The following TTC28 variants were observed in gnomAD, a reference collection of about 807,000 sequenced individuals.
TTC28 encodes tetratricopeptide repeat domain 28.
Under a neutral mutation model 198.0 loss-of-function variants are expected in TTC28, and 61 were observed. The observed-to-expected ratio is 0.31, with a 90% CI of 0.25 to 0.38. The LOEUF is 0.38. Among genes scored for constraint, TTC28 ranks in the 10% least tolerant of loss-of-function variants. The pLI, the probability that TTC28 is intolerant of heterozygous loss-of-function variation, is 1.00. For synonymous variants in TTC28, 1,171 were observed against 1,297.8 expected (o/e 0.90, Z 2.10); for missense variants, 2,678 against 3,164.0 (o/e 0.85, Z 3.69).
rs181180154 is a variant in TTC28 at position 28,279,382 on chromosome 22, T to G, written c.933+16816A>C. Among the ~76,000 whole-genome samples, 523 of 150,984 alleles carry G rather than the reference T, an allele frequency of 3.5e-3. 9 individuals are homozygous for G. The highest frequency in any genetic ancestry group is 0.028 in the Admixed American group (429 of 15,216). On this transcript the variant is annotated intron_variant, in intron 5 of 22. Coordinates refer to ENST00000397906, the MANE Select transcript of TTC28 (RefSeq NM_001145418.2). ...ATACCATTTGATGAGGTTTTGTTTGTTTTTTTTAGACAGAGTCTTTCTCTG... is the reference window on the plus strand; with the variant it reads ...ATACCATTTGATGAGGTTTTGTTTGGTTTTTTTAGACAGAGTCTTTCTCTG...
chr22:28,403,397 G>A (rs1014855031), intron 2 of TTC28, among the ~76,000 whole-genome samples: 2 of 152,160 alleles, frequency 1.3e-5, no homozygotes, highest in Admixed American at 6.5e-5. Flanking sequence ...TAGAGAATGG[G>A]CAGGTGGATT....
At chr22:28,575,458 G>A (rs2050130997) in intron 2 of TTC28, among the ~76,000 whole-genome samples, 1 of 151,902 alleles carries the variant, frequency 6.6e-6, no homozygotes, top group Non-Finnish European at 1.5e-5. Flanking sequence ...CTCCAGTTTT[G>A]TTCTTTTTGC....
chr22:28,251,074 C>G (rs959823209), intron 5 of TTC28, among the ~76,000 whole-genome samples: 3 of 152,182 alleles, frequency 2.0e-5, no homozygotes, highest in Admixed American at 2.0e-4. Flanking sequence ...ACTCAATGAT[C>G]ACAGCTTTTA....
chr22:28,028,849 C>T, intron 13 of TTC28: 3 of 373,854 alleles, frequency 8.0e-6, no homozygotes, highest in South Asian at 2.0e-5. Flanking sequence ...TCCCACATTA[C>T]AGGAACCCTG....
intron 8 of TTC28, 56 bp downstream of exon 8, chr22:28,105,223 G>A: frequency 6.6e-7 from 1 of 1,511,740 alleles, no homozygotes; most frequent in Non-Finnish European, 8.9e-7. Context: ...CTTGAGTTCT[G>A]ACTCTGAACT....
At chr22:28,502,469 T>C (rs1601477848) in intron 2 of TTC28, among the ~76,000 whole-genome samples, 1 of 116,506 alleles carries the variant, frequency 8.6e-6, no homozygotes, top group East Asian at 2.5e-4. Context: ...TGAAACCCTG[T>C]CTCTACTAAA....
In TTC28 at chr22:27,985,301, T is replaced by C; in HGVS notation, c.5763A>G (p.Gln1921=). 1 of 1,551,592 alleles carries C rather than the reference T, an allele frequency of 6.4e-7. No individual in the cohort carries two copies. Among genetic ancestry groups the C allele is most frequent in the Non-Finnish European group, 8.7e-7 (1 of 1,146,932 alleles). The part of the protein sequence containing the change: ...QEEVILKTGK[Q]ANRRTVHFAL... Reference sequence around the variant, plus strand: ...CGAAGTGCACAGTCCGTCGATTAGCTTGCTTCCCGGTTTTCAGGATTACTT... The same window carrying C: ...CGAAGTGCACAGTCCGTCGATTAGCCTGCTTCCCGGTTTTCAGGATTACTT... Residue 1921 remains glutamine (Q), a synonymous_variant, in exon 22 of 23, where the codon CAA becomes CAG. Transcript: ENST00000397906.
At chr22:28,171,709 A>G (rs1486922040) in intron 5 of TTC28, among the ~76,000 whole-genome samples, 1 of 151,560 alleles carries the variant, frequency 6.6e-6, no homozygotes, top group Non-Finnish European at 1.5e-5. Context: ...GAAAATAGAG[A>G]GGAAATAAAT....
chr22:28,235,635 C>T (rs1388686811), intron 5 of TTC28, among the ~76,000 whole-genome samples: 1 of 152,186 alleles, frequency 6.6e-6, no homozygotes. Context: ...AGAACACACA[C>T]AACTAAATAA....
chr22:28,672,033 CT>C (rs980137007), intron 1 of TTC28, among the ~76,000 whole-genome samples: 22 of 146,148 alleles, frequency 1.5e-4, no homozygotes, highest in East Asian at 6.0e-4. Context: ...AACTAAAACA[CT>C]TTTTTTTTTT....
At chr22:28,008,961 C>G (rs1477279852) in intron 14 of TTC28, among the ~76,000 whole-genome samples, 7 of 152,198 alleles carry the variant, frequency 4.6e-5, no homozygotes, top group Admixed American at 3.9e-4. Context: ...CTATCCTTCA[C>G]TCTAATTTGA....
chr22:28,656,990 T>C (rs73170614), intron 1 of TTC28, among the ~76,000 whole-genome samples: 7 of 152,300 alleles, frequency 4.6e-5, no homozygotes, highest in Non-Finnish European at 1.0e-4. Flanking sequence ...TGCTTACGTA[T>C]TGCCTGATAC....
At chr22:28,065,922 T>C (rs1269597967) in intron 12 of TTC28, among the ~76,000 whole-genome samples, 1 of 152,220 alleles carries the variant, frequency 6.6e-6, no homozygotes, top group Non-Finnish European at 1.5e-5. Context: ...AAGACATTAC[T>C]AGGAAATGTA....
intron 5 of TTC28, among the ~76,000 whole-genome samples, chr22:28,176,796 A>G (rs1281563981): frequency 1.3e-5 from 2 of 152,220 alleles, no homozygotes; most frequent in East Asian, 3.8e-4. Flanking sequence ...AGGTAGTTAC[A>G]TGGAGAAAGG....
chr22:28,223,092 C>T (rs991364889), intron 5 of TTC28, among the ~76,000 whole-genome samples: 34 of 152,286 alleles, frequency 2.2e-4, no homozygotes, highest in African/African-American at 7.9e-4. Flanking sequence ...TCTGTCCAGA[C>T]GCTCTCAGCA....
At chr22:28,267,856 C>A (rs1033806465) in intron 5 of TTC28, among the ~76,000 whole-genome samples, 6 of 152,164 alleles carry the variant, frequency 3.9e-5, no homozygotes, top group Non-Finnish European at 7.4e-5. Flanking sequence ...TAAAATGATT[C>A]ATATGTCACA....
chr22:28,503,636 T>C (rs961567211), intron 2 of TTC28, among the ~76,000 whole-genome samples: 8 of 152,230 alleles, frequency 5.3e-5, no homozygotes, highest in African/African-American at 1.9e-4. Flanking sequence ...TATTAATCTA[T>C]TATTATTCTC....
intron 12 of TTC28, among the ~76,000 whole-genome samples, chr22:28,068,957 C>A (rs1241826532): frequency 5.9e-5 from 9 of 152,056 alleles, no homozygotes. Flanking sequence ...TCTATTTTTT[C>A]ATCTCACATA....
intron 5 of TTC28, among the ~76,000 whole-genome samples, chr22:28,220,628 G>GGA (rs1459597033): frequency 6.6e-6 from 1 of 152,156 alleles, no homozygotes; most frequent in African/African-American, 2.4e-5. Flanking sequence ...AGCCAGCAAG[G>GGA]GAGAGAGAGA....
Sources: gnomAD v4.1 joint callset for allele counts (sites outside exome capture counted in the v4.1 genomes callset) on GRCh38, gnomAD v4.1.1 for gene constraint, MANE v1.5 for transcripts, NCBI Gene and HGNC (gene_info 2026-07-23, HGNC 2026-07-21) for gene names.